Variants in ARHGAP15 observed in about 807,000 individuals in gnomAD.
ARHGAP15 encodes the protein rho GTPase-activating protein 15.
In ARHGAP15, 51 loss-of-function variants were observed where a neutral mutation model predicts 63.7. That is an observed-to-expected ratio of 0.80 (90% confidence interval 0.64 to 1.01). The LOEUF is 1.01. Ranked by LOEUF, ARHGAP15 falls within the 50% of genes least tolerant of loss-of-function variation. The probability of loss-of-function intolerance (pLI) is 0.00; values close to 1 mark genes in which losing one functional copy is unlikely to be tolerated. For missense variants in ARHGAP15, 560 were observed against 564.6 expected, an observed-to-expected ratio of 0.99 and a Z score of 0.08; for synonymous variants, 191 against 193.8, an observed-to-expected ratio of 0.99 and a Z score of 0.12.
chr2:143,156,937 T>A (rs1211744367), intron 2 of ARHGAP15, among the ~76,000 whole-genome samples: 1 of 151,974 alleles, frequency 6.6e-6, no homozygotes, highest in East Asian at 1.9e-4. Context: ...ATCTCTATAA[T>A]GTATTATCAG....
intron 12 of ARHGAP15, among the ~76,000 whole-genome samples, chr2:143,650,159 G>A (rs903787390): frequency 1.2e-4 from 18 of 151,820 alleles, no homozygotes; most frequent in Non-Finnish European, 4.4e-5. Context: ...GATGGGCTGA[G>A]AGATAGATGC....
chr2:143,744,470 G>A (rs12616872), intron 13 of ARHGAP15, among the ~76,000 whole-genome samples: 7,980 of 152,164 alleles, frequency 0.052, 370 homozygotes, highest in East Asian at 0.26. Flanking sequence ...ATTCAACAAG[G>A]GATTTTTTTA....
intron 13 of ARHGAP15, among the ~76,000 whole-genome samples, chr2:143,767,529 G>A (rs1205790208): frequency 6.6e-6 from 1 of 152,122 alleles, no homozygotes; most frequent in Middle Eastern, 3.2e-3. Flanking sequence ...GCATTTGCCA[G>A]GAATACTTTA....
intron 11 of ARHGAP15, among the ~76,000 whole-genome samples, chr2:143,588,281 T>G (rs1046134152): frequency 6.6e-6 from 1 of 152,122 alleles, no homozygotes; most frequent in Admixed American, 6.6e-5. Flanking sequence ...TTGGAGAAAA[T>G]TTAAGCTTTC....
intron 6 of ARHGAP15, among the ~76,000 whole-genome samples, chr2:143,404,450 T>C (rs1021144349): frequency 6.6e-6 from 1 of 151,954 alleles, no homozygotes; most frequent in African/African-American, 2.4e-5. Context: ...CTGAAAATGT[T>C]GTATGTATCA....
At chr2:143,261,730 G>A (rs984506654) in intron 6 of ARHGAP15, among the ~76,000 whole-genome samples, 2 of 152,140 alleles carry the variant, frequency 1.3e-5, no homozygotes, top group Admixed American at 6.6e-5. Context: ...CTTAGGCTAG[G>A]TTCCCCTGAA....
chr2:143,557,163 C>T (rs1695838333), intron 11 of ARHGAP15, among the ~76,000 whole-genome samples: 1 of 152,104 alleles, frequency 6.6e-6, no homozygotes, highest in Non-Finnish European at 1.5e-5. Flanking sequence ...GAGTTAAAAA[C>T]TCATGTACAC....
intron 2 of ARHGAP15, among the ~76,000 whole-genome samples, chr2:143,197,621 G>A (rs1471109455): frequency 6.6e-6 from 1 of 151,942 alleles, no homozygotes; most frequent in East Asian, 1.9e-4. Context: ...ATAAGTCTCA[G>A]TCAACATAAT....
chr2:143,482,766 G>A (rs1276658308), intron 8 of ARHGAP15, among the ~76,000 whole-genome samples: 2 of 152,126 alleles, frequency 1.3e-5, no homozygotes, highest in Non-Finnish European at 2.9e-5. Flanking sequence ...TTATATCCAC[G>A]CACTTCTTAA....
intron 2 of ARHGAP15, among the ~76,000 whole-genome samples, chr2:143,187,438 G>T (rs1357189978): frequency 1.3e-5 from 2 of 152,194 alleles, no homozygotes; most frequent in African/African-American, 2.4e-5. Flanking sequence ...GATAAAGAAT[G>T]CAGGGGTTCC....
At chr2:143,346,236 T>TCACACACACTCTCA (rs1685288566) in intron 6 of ARHGAP15, among the ~76,000 whole-genome samples, 23 of 82,610 alleles carry the variant, frequency 2.8e-4, no homozygotes, top group African/African-American at 9.7e-4. Context: ...ACACTCTCTC[T>TCACACACACTCTCA]CACACACACA....
chr2:143,452,047 C>T (rs1222511104), intron 8 of ARHGAP15, among the ~76,000 whole-genome samples: 2 of 151,964 alleles, frequency 1.3e-5, no homozygotes, highest in African/African-American at 2.4e-5. Context: ...TCCTCCTTTG[C>T]CACTTCAATT....
chr2:143,240,061 A>G (rs866812760), intron 5 of ARHGAP15, among the ~76,000 whole-genome samples: 1 of 148,590 alleles, frequency 6.7e-6, no homozygotes, highest in African/African-American at 2.5e-5. Context: ...CTGTAAGTCC[A>G]GCTACGTAGG....
intron 6 of ARHGAP15, among the ~76,000 whole-genome samples, chr2:143,300,585 G>A (rs1229158345): frequency 6.6e-6 from 1 of 152,006 alleles, no homozygotes; most frequent in Non-Finnish European, 1.5e-5. Flanking sequence ...TCTCCCCTAT[G>A]CAGTGATTCA....
At chr2:143,652,202 T>C (rs1681201924) in intron 12 of ARHGAP15, among the ~76,000 whole-genome samples, 1 of 152,046 alleles carries the variant, frequency 6.6e-6, no homozygotes, top group Non-Finnish European at 1.5e-5. Flanking sequence ...GGTCAGCAAT[T>C]ATATTTTTCC....
At chr2:143,257,985 A>G (rs1680511676) in intron 6 of ARHGAP15, among the ~76,000 whole-genome samples, 1 of 152,124 alleles carries the variant, frequency 6.6e-6, no homozygotes, top group Admixed American at 6.6e-5. Flanking sequence ...GAGAGCAGCC[A>G]TGTGTATTTC....
intron 8 of ARHGAP15, among the ~76,000 whole-genome samples, chr2:143,476,565 A>G (rs1691827617): frequency 6.6e-6 from 1 of 152,228 alleles, no homozygotes; most frequent in African/African-American, 2.4e-5. Context: ...CTGACCCAAC[A>G]TAAACACTTT....
intron 6 of ARHGAP15, among the ~76,000 whole-genome samples, chr2:143,330,431 A>G (rs1208971236): frequency 6.6e-6 from 1 of 152,116 alleles, no homozygotes; most frequent in African/African-American, 2.4e-5. Flanking sequence ...ACAAATACAT[A>G]AAATACCCAT....
intron 8 of ARHGAP15, among the ~76,000 whole-genome samples, chr2:143,453,043 C>T (rs575697713): frequency 2.6e-5 from 4 of 151,866 alleles, no homozygotes; most frequent in Admixed American, 2.6e-4. Context: ...CTTTAGAGAG[C>T]TTACCAGGCT....
Sources: gnomAD v4.1 joint callset for allele counts (sites outside exome capture counted in the v4.1 genomes callset) on GRCh38, gnomAD v4.1.1 for gene constraint, MANE v1.5 for transcripts, NCBI Gene and HGNC (gene_info 2026-07-23, HGNC 2026-07-21) for gene names.